The following SAMD5 variants were observed in gnomAD, a reference collection of about 807,000 sequenced individuals.
The protein encoded by SAMD5 is sterile alpha motif domain-containing protein 5.
SAMD5 carries 13 observed loss-of-function variants against 11.3 expected under a neutral mutation model. That is an observed-to-expected ratio of 1.15 (90% CI 0.75 to 1.83). The LOEUF (loss-of-function observed/expected upper bound fraction) is 1.83. Ranked by LOEUF, SAMD5 falls within the 40% of genes most tolerant of loss-of-function variation. SAMD5 has a pLI of 0.00. For missense variants in SAMD5, 255 were observed against 239.1 expected (o/e 1.07, Z -0.44); for synonymous variants, 129 against 111.3 (o/e 1.16, Z -1.00).
the SAMD5 span, among the ~76,000 whole-genome samples, chr6:147,837,804 T>A: frequency 1.3e-5 from 2 of 152,208 alleles, no homozygotes; most frequent in Non-Finnish European, 2.9e-5. Context: ...TTCAAAGCAT[T>A]TTAAAGCATC....
At chr6:147,813,546 G>A in the SAMD5 span, among the ~76,000 whole-genome samples, 1 of 152,182 alleles carries the variant, frequency 6.6e-6, no homozygotes, top group African/African-American at 2.4e-5. Flanking sequence ...CTGAGGCTTA[G>A]AAAGGTCACA....
At chr6:147,512,599 A>G (rs938404685) in intron 1 of SAMD5, among the ~76,000 whole-genome samples, 4 of 152,184 alleles carry the variant, frequency 2.6e-5, no homozygotes, top group African/African-American at 9.7e-5. Flanking sequence ...CTTTGAAAAA[A>G]CAGGAGCTTA....
the SAMD5 span, among the ~76,000 whole-genome samples, chr6:147,912,184 C>A: frequency 4.0e-5 from 6 of 151,712 alleles, no homozygotes; most frequent in African/African-American, 1.2e-4. Context: ...CTAAGAAGCA[C>A]AAATTTAGAA....
At chr6:147,590,001 C>T (rs1405826254) in intron 1 of SAMD5, among the ~76,000 whole-genome samples, 4 of 152,168 alleles carry the variant, frequency 2.6e-5, no homozygotes, top group Non-Finnish European at 5.9e-5. Flanking sequence ...TGCTTTATCT[C>T]TCCAAATAGA....
chr6:147,540,148 A>C (rs1788576766), intron 1 of SAMD5, among the ~76,000 whole-genome samples: 1 of 152,096 alleles, frequency 6.6e-6, no homozygotes, highest in South Asian at 2.1e-4. Context: ...GAGAAAGGAA[A>C]ATTTAAGACT....
rs759290973 is a variant in SAMD5 at position 147,568,235 on chromosome 6, C to A, written c.*3779C>A. The A allele has an allele frequency of 2.0e-6, 2 of 985,264 alleles. No homozygotes were observed. The highest frequency in any genetic ancestry group is 2.4e-6 in the Non-Finnish European group (2 of 829,920). 61.0% of individuals were successfully genotyped at this position (985,264 alleles called of 1,614,324 possible). ...AACTCTTTTCTATGAAAAGAAAAAC[C>A]AGATATACCAGGGACTGGAAAGCAC... On this transcript the variant is annotated 3_prime_UTR_variant, in exon 2 of 2. Coordinates refer to ENST00000367474, the MANE Select transcript of SAMD5 (RefSeq NM_001030060.3).
At chr6:147,510,064 A>G (rs1788065070) in intron 1 of SAMD5, among the ~76,000 whole-genome samples, 1 of 152,362 alleles carries the variant, frequency 6.6e-6, no homozygotes, top group Non-Finnish European at 1.5e-5. Flanking sequence ...TGTGCTTCAG[A>G]GGTCTGGGCT....
the SAMD5 span, among the ~76,000 whole-genome samples, chr6:147,924,341 A>T: frequency 6.6e-6 from 1 of 152,168 alleles, no homozygotes; most frequent in African/African-American, 2.4e-5. Context: ...TACATTTTCA[A>T]TTCAACAGTA....
At chr6:147,594,422 C>T (rs534643037) in intron 1 of SAMD5, among the ~76,000 whole-genome samples, 12 of 152,214 alleles carry the variant, frequency 7.9e-5, no homozygotes, top group South Asian at 4.2e-4. Context: ...ACTAAGTTCA[C>T]GGATAATGTC....
At chr6:147,612,485 A>G (rs958232840) in intron 1 of SAMD5, among the ~76,000 whole-genome samples, 1 of 152,224 alleles carries the variant, frequency 6.6e-6, no homozygotes, top group Admixed American at 6.5e-5. Flanking sequence ...GATCAAGTCT[A>G]CACTTCATTA....
intron 1 of SAMD5, among the ~76,000 whole-genome samples, chr6:147,616,773 C>T (rs189228873): frequency 6.6e-6 from 1 of 152,276 alleles, no homozygotes; most frequent in African/African-American, 2.4e-5. Context: ...GAAGCAAGTA[C>T]CTTCTTCACA....
chr6:147,844,512 C>G, the SAMD5 span, among the ~76,000 whole-genome samples: 1 of 152,036 alleles, frequency 6.6e-6, no homozygotes, highest in Admixed American at 6.6e-5. Flanking sequence ...GAATTGATAC[C>G]AGTGTGTCAA....
chr6:147,611,069 A>G (rs1051441839), intron 1 of SAMD5, among the ~76,000 whole-genome samples: 1 of 151,798 alleles, frequency 6.6e-6, no homozygotes, highest in African/African-American at 2.4e-5. Flanking sequence ...GGGGTTTTTC[A>G]CCATGTTGGC....
chr6:147,867,279 G>GTTTTTTTTT, the SAMD5 span, among the ~76,000 whole-genome samples: 1 of 115,396 alleles, frequency 8.7e-6, no homozygotes, highest in Admixed American at 8.9e-5. Context: ...GGTCAAAAAG[G>GTTTTTTTTT]TTTTTTTTTT....
chr6:147,869,218 C>T, the SAMD5 span, among the ~76,000 whole-genome samples: 2 of 152,176 alleles, frequency 1.3e-5, no homozygotes, highest in Non-Finnish European at 2.9e-5. Context: ...AAATGAGGCA[C>T]GAGTGTGCAG....
chr6:147,581,475 G>A (rs964221067), intron 1 of SAMD5, among the ~76,000 whole-genome samples: 2 of 152,154 alleles, frequency 1.3e-5, no homozygotes, highest in African/African-American at 4.8e-5. Context: ...GATGAGTGAT[G>A]AAACATAGCC....
chr6:147,895,882 G>A, the SAMD5 span, among the ~76,000 whole-genome samples: 4 of 152,098 alleles, frequency 2.6e-5, no homozygotes, highest in South Asian at 2.1e-4. Context: ...AACTGGACCC[G>A]GAAATGTTGT....
rs1436860598 is a variant in SAMD5, at chr6:147,509,253, G to T, written c.325G>T (p.Asp109Tyr). 2.0e-6 allele frequency: 3 copies of T among 1,523,032 alleles called. No homozygotes were observed. Among genetic ancestry groups the T allele is most frequent in the Admixed American group, 2.1e-5 (1 of 47,228 alleles). The allele number at this position is 1,523,032 out of a possible 1,614,324, so 94.3% of individuals were successfully genotyped here. ...CGGPAQGTRG[D>Y]SRGHTTAPRS... ...CGGCCCGGCCCAGGGCACCCGCGGG[G>T]ACTCTCGCGGCCACACGACCGCCCC... is the stretch of plus-strand genomic sequence containing the variant. The change falls in exon 1 of 2, where the codon GAC (aspartate) becomes TAC (tyrosine). Residue 109 changes from aspartate to tyrosine, a missense_variant. Coordinates refer to ENST00000367474, the MANE Select transcript of SAMD5 (RefSeq NM_001030060.3).
chr6:147,650,901 G>A (rs966783249), intron 1 of SAMD5, among the ~76,000 whole-genome samples: 1 of 152,188 alleles, frequency 6.6e-6, no homozygotes, highest in Non-Finnish European at 1.5e-5. Context: ...GATTTTGGGA[G>A]TTGGTGGCTT....
Sources: gnomAD v4.1 joint callset for allele counts (sites outside exome capture counted in the v4.1 genomes callset) on GRCh38, gnomAD v4.1.1 for gene constraint, MANE v1.5 for transcripts, NCBI Gene and HGNC (gene_info 2026-07-23, HGNC 2026-07-21) for gene names.